RNF138: variants seen among roughly 807,000 people sequenced by gnomAD.
The protein encoded by RNF138 is ring finger protein 138.
RNF138 carries 12 observed loss-of-function variants against 31.0 expected under a neutral mutation model. The observed-to-expected ratio is 0.39, with a 90% confidence interval of 0.25 to 0.63. The LOEUF (loss-of-function observed/expected upper bound fraction) is 0.63, where lower values mean the gene tolerates loss of function less well. Among genes scored for constraint, RNF138 ranks in the 20% least tolerant of loss-of-function variants. The pLI is 0.52. For synonymous variants in RNF138, 105 were observed against 99.5 expected (o/e 1.06, Z -0.33); for missense variants, 192 against 300.1 (o/e 0.64, Z 2.66).
chr18:32,114,789 T>C (rs2040187697), intron 4 of RNF138, among the ~76,000 whole-genome samples: 1 of 152,220 alleles, frequency 6.6e-6, no homozygotes, highest in African/African-American at 2.4e-5. Flanking sequence ...ATTTTACATA[T>C]TGCTAATTTT....
chr18:32,117,424 A>C (rs561492936), intron 4 of RNF138, among the ~76,000 whole-genome samples: 1 of 152,338 alleles, frequency 6.6e-6, no homozygotes, highest in African/African-American at 2.4e-5. Context: ...AGGAGGAAAT[A>C]GATAACAGAA....
At chr18:32,107,196 C>T (rs2040047346) in intron 2 of RNF138, among the ~76,000 whole-genome samples, 1 of 149,420 alleles carries the variant, frequency 6.7e-6, no homozygotes, top group Non-Finnish European at 1.5e-5. Flanking sequence ...TCTCGGCTCC[C>T]TGCAACCTCT....
chr18:32,129,230 C>T lies in RNF138; in HGVS notation c.*43C>T, dbSNP rs1350886964. The T allele has an allele frequency of 1.5e-6, 2 of 1,308,456 alleles. No individual in the cohort carries two copies. The highest frequency in any genetic ancestry group is 2.2e-6 in the Non-Finnish European group (2 of 904,702). The allele number at this position is 1,308,456 out of a possible 1,614,324, so 81.1% of individuals were successfully genotyped here. ...GCATCTTTGTACCTGCAAGTGCCAT[C>T]TTTAAGGGGGAAACTACATGAAGTC... On this transcript the variant is annotated 3_prime_UTR_variant, in exon 8 of 8. Coordinates refer to ENST00000261593, the MANE Select transcript of RNF138 (RefSeq NM_016271.5).
chr18:32,102,431 G>C (rs1251308319), intron 2 of RNF138, among the ~76,000 whole-genome samples: 24 of 151,748 alleles, frequency 1.6e-4, no homozygotes, highest in Admixed American at 1.4e-3. Flanking sequence ...TCAATCTCCT[G>C]ACCTCGTGAT....
intron 4 of RNF138, among the ~76,000 whole-genome samples, chr18:32,116,762 C>T (rs138002396): frequency 1.3e-3 from 193 of 152,112 alleles, no homozygotes; most frequent in African/African-American, 4.3e-3. Context: ...TGGTGTTAAA[C>T]ACATTGAGAT....
chr18:32,107,343 C>A (rs1469953366), intron 2 of RNF138, among the ~76,000 whole-genome samples: 1 of 82,610 alleles, frequency 1.2e-5, no homozygotes, highest in Admixed American at 1.6e-4. Context: ...AGGCTGGTCT[C>A]GAACTCAGCT....
chr18:32,112,975 TTTA>T (rs1294860397), intron 3 of RNF138, among the ~76,000 whole-genome samples: 5 of 152,180 alleles, frequency 3.3e-5, no homozygotes, highest in African/African-American at 1.2e-4. Flanking sequence ...GAAGGAAGTG[TTTA>T]ACTGACAGGG....
chr18:32,124,223 A>G (rs1002966920), intron 5 of RNF138: 5 of 153,562 alleles, frequency 3.3e-5, no homozygotes, highest in African/African-American at 9.7e-5. Flanking sequence ...TTTCATTCTC[A>G]TGATCAGTGC....
At chr18:32,095,339 T>G (rs2039785913) in intron 2 of RNF138, among the ~76,000 whole-genome samples, 1 of 152,008 alleles carries the variant, frequency 6.6e-6, no homozygotes, top group Non-Finnish European at 1.5e-5. Flanking sequence ...CTGACTAATT[T>G]TGTTTTCTTT....
rs958639553 is a variant in RNF138, at chr18:32,126,690, T to C, written c.562-3T>C. ...TTTGTTTAAAACAATCTGTTTCTTATAGACATGTCCTATTTGTGTGTCTCT... is the reference window on the plus strand; with the variant it reads ...TTTGTTTAAAACAATCTGTTTCTTACAGACATGTCCTATTTGTGTGTCTCT... On this transcript the variant is annotated splice_region_variant and splice_polypyrimidine_tract_variant and intron_variant, in intron 6 of 7. Coordinates refer to ENST00000261593, the MANE Select transcript of RNF138 (RefSeq NM_016271.5). The C allele has an allele frequency of 2.0e-6, 3 of 1,504,996 alleles. No homozygotes were observed. Among genetic ancestry groups the C allele is most frequent in the Non-Finnish European group, 2.8e-6 (3 of 1,086,744 alleles). The allele number at this position is 1,504,996 out of a possible 1,614,324, so 93.2% of individuals were successfully genotyped here. A position where few individuals can be genotyped will look rare whatever the true frequency, so the allele number is the denominator to read the frequency against.
rs1203643929 is a variant in RNF138, at chr18:32,129,977, T to C, written c.*790T>C. On this transcript the variant is annotated 3_prime_UTR_variant, in exon 8 of 8. Coordinates refer to ENST00000261593, the MANE Select transcript of RNF138 (RefSeq NM_016271.5). ...TTTCTGATTAACTAAGTTGAAACTC[T>C]TATTAGAAACTTTCAGTTGGTGATA... 1 of 152,212 alleles carries C rather than the reference T, an allele frequency of 6.6e-6. No homozygotes were observed. The highest frequency in any genetic ancestry group is 2.4e-5 in the African/African-American group (1 of 41,440). 9.4% of individuals were successfully genotyped at this position (152,212 alleles called of 1,614,324 possible).
At chr18:32,129,069 A>C (rs376517746) in intron 7 of RNF138, 50 bp from the exon 8 acceptor site, 9 of 1,234,030 alleles carry the variant, frequency 7.3e-6, no homozygotes, top group Non-Finnish European at 1.1e-5. Context: ...GCAAAGTATT[A>C]GAGTAGTTGA....
chr18:32,105,458 C>G (rs1372615273), intron 2 of RNF138, among the ~76,000 whole-genome samples: 1 of 152,162 alleles, frequency 6.6e-6, no homozygotes. Context: ...GAAATAGTTC[C>G]ACACGTTTTG....
At chr18:32,127,832 G>A (rs540636776) in intron 7 of RNF138, among the ~76,000 whole-genome samples, 26 of 152,338 alleles carry the variant, frequency 1.7e-4, no homozygotes, top group African/African-American at 6.3e-4. Context: ...TGTAATCCCA[G>A]CACTTTGGGA....
At chr18:32,115,746 AAC>A (rs970798456) in intron 4 of RNF138, among the ~76,000 whole-genome samples, 6 of 151,966 alleles carry the variant, frequency 3.9e-5, no homozygotes, top group Non-Finnish European at 5.9e-5. Flanking sequence ...CTCCGTCTAA[AAC>A]ACACACACAC....
intron 2 of RNF138, among the ~76,000 whole-genome samples, chr18:32,108,364 C>G (rs963562919): frequency 6.6e-6 from 1 of 152,086 alleles, no homozygotes; most frequent in Non-Finnish European, 1.5e-5. Context: ...TACCATTATC[C>G]TGACCTTTAA....
intron 3 of RNF138, among the ~76,000 whole-genome samples, chr18:32,112,688 AAAG>A (rs575195569): frequency 2.2e-4 from 34 of 151,522 alleles, no homozygotes; most frequent in Middle Eastern, 3.4e-3. Flanking sequence ...GTCTAAAAAA[AAAG>A]AAGAAGAAAG....
At chr18:32,107,577 A>G (rs1598852402) in intron 2 of RNF138, among the ~76,000 whole-genome samples, 1 of 149,246 alleles carries the variant, frequency 6.7e-6, no homozygotes, top group African/African-American at 2.5e-5. Context: ...CTGGAGTGCA[A>G]TGGCACGATC....
At chr18:32,105,330 A>G (rs1161657213) in intron 2 of RNF138, among the ~76,000 whole-genome samples, 1 of 152,110 alleles carries the variant, frequency 6.6e-6, no homozygotes, top group East Asian at 1.9e-4. Flanking sequence ...ACCTCAATTG[A>G]TCCACCCACC....
Sources: allele counts gnomAD v4.1 joint callset (sites outside exome capture counted in the v4.1 genomes callset), GRCh38; gene constraint gnomAD v4.1.1; transcripts MANE v1.5; gene names NCBI Gene and HGNC (gene_info 2026-07-23, HGNC 2026-07-21).